CNTN6: variants seen among roughly 807,000 people sequenced by gnomAD.
The protein encoded by CNTN6 is contactin 6.
In CNTN6, 137 loss-of-function variants were observed where a neutral mutation model predicts 122.8. The observed-to-expected ratio is 1.12, with a 90% CI of 0.97 to 1.29. The LOEUF is 1.29. Ranked by LOEUF, CNTN6 falls within the 50% of genes most tolerant of loss-of-function variation. CNTN6 has a pLI of 0.00. For synonymous variants in CNTN6, 570 were observed against 426.0 expected, an observed-to-expected ratio of 1.34 and a Z score of -4.16; for missense variants, 1,634 against 1,223.4, an observed-to-expected ratio of 1.34 and a Z score of -5.01.
In CNTN6 at chr3:1,267,140, G is replaced by A. The variant is rs538185631; in HGVS notation, c.359-11273G>A. ...ACCACCTGCTAAGACTTAAGTACAA[G>A]GTCAGGATGTACTTCCCCCAGTGAC... On this transcript the variant is annotated intron_variant, in intron 4 of 22. Transcript: ENST00000446702. 3.3e-5 allele frequency among the ~76,000 whole-genome samples: 5 copies of A among 151,996 alleles called. No individual in the cohort carries two copies. The South Asian group carries it at 1.0e-3, about 32-fold the overall frequency.
At position 1,297,798 on chromosome 3, in the gene CNTN6, A is replaced by G. The variant is rs184066186; in HGVS notation, c.659-91A>G. ...CTGAAAACCCTAACTCTTATTAAGA[A>G]GAAATAATCAGGTTTTGGTTAATGA... On this transcript the variant is annotated intron_variant, in intron 6 of 22. Coordinates refer to ENST00000446702, the MANE Select transcript of CNTN6 (RefSeq NM_001289080.2). 4.8e-4 allele frequency: 462 copies of G among 961,768 alleles called. 2 individuals are homozygous for G. The African/African-American group carries it at 6.0e-3, about 13-fold the overall frequency. 59.6% of individuals were successfully genotyped at this position (961,768 alleles called of 1,614,324 possible).
chr3:1,117,367 G>A (rs2091766490), intron 1 of CNTN6, among the ~76,000 whole-genome samples: 1 of 152,110 alleles, frequency 6.6e-6, no homozygotes, highest in African/African-American at 2.4e-5. Flanking sequence ...CCTGTTCAGG[G>A]AACTGCAGGT....
chr3:1,354,145 A>C (rs1706145781), intron 12 of CNTN6, among the ~76,000 whole-genome samples: 1 of 151,558 alleles, frequency 6.6e-6, no homozygotes, highest in South Asian at 2.1e-4. Context: ...TAACAAAAAT[A>C]CTAACTGAGA....
At chr3:1,230,989 C>G (rs2094346081) in intron 4 of CNTN6, among the ~76,000 whole-genome samples, 1 of 152,186 alleles carries the variant, frequency 6.6e-6, no homozygotes. Context: ...TGAATACCCA[C>G]AGATATCCCT....
chr3:1,231,026 C>T (rs1218587194), intron 4 of CNTN6, among the ~76,000 whole-genome samples: 1 of 152,180 alleles, frequency 6.6e-6, no homozygotes, highest in Non-Finnish European at 1.5e-5. Flanking sequence ...CCAAACCTCT[C>T]CATGGGATCA....
chr3:1,187,008 T>C (rs912621673), intron 2 of CNTN6, among the ~76,000 whole-genome samples: 1 of 152,024 alleles, frequency 6.6e-6, no homozygotes, highest in Admixed American at 6.6e-5. Context: ...TTAGGAGAAA[T>C]GAGAGCAAAA....
In CNTN6 at chr3:1,300,834, C is replaced by A. The variant is rs527475931; in HGVS notation, c.761+2843C>A. On this transcript the variant is annotated intron_variant, in intron 7 of 22. Transcript: ENST00000446702. Reference sequence around the variant, plus strand: ...CTCTCTCTCTTTCTTTCTCCACACACAAATATATTTAACCAGATACATGGT... The same window carrying A: ...CTCTCTCTCTTTCTTTCTCCACACAAAAATATATTTAACCAGATACATGGT... Among the ~76,000 whole-genome samples, 125 of 151,864 alleles carry A rather than the reference C, an allele frequency of 8.2e-4. 1 individual carries two copies. The highest frequency in any genetic ancestry group is 1.4e-3 in the Non-Finnish European group (98 of 67,950).
At chr3:1,213,042 C>T (rs1444113450) in intron 2 of CNTN6, among the ~76,000 whole-genome samples, 2 of 152,114 alleles carry the variant, frequency 1.3e-5, no homozygotes, top group African/African-American at 4.8e-5. Flanking sequence ...CTTTAAGTTT[C>T]TCATCTATCA....
At chr3:1,309,488 A>G (rs963613558) in intron 7 of CNTN6, among the ~76,000 whole-genome samples, 2 of 152,140 alleles carry the variant, frequency 1.3e-5, no homozygotes, top group African/African-American at 4.8e-5. Flanking sequence ...TGCTCTGTCT[A>G]TTCTTTTGCC....
intron 4 of CNTN6, among the ~76,000 whole-genome samples, chr3:1,275,861 A>G (rs1025063416): frequency 2.0e-5 from 3 of 152,112 alleles, no homozygotes; most frequent in Non-Finnish European, 4.4e-5. Flanking sequence ...AATAAAATGA[A>G]GCTTTGTTCG....
chr3:1,278,552 G>A, intron 5 of CNTN6, 44 bp downstream of exon 5: 1 of 1,342,444 alleles, frequency 7.4e-7, no homozygotes, highest in East Asian at 2.3e-5. Context: ...GCGGTCACTT[G>A]GAGAGTGATG....
Position 1,220,757 on chromosome 3 carries a change from A to G in CNTN6, c.126A>G (p.Ser42=), listed in dbSNP as rs1165460364. The G allele has an allele frequency of 6.2e-7, 1 of 1,613,014 alleles. No individual in the cohort carries two copies. Among genetic ancestry groups the G allele is most frequent in the African/African-American group, 1.3e-5 (1 of 74,872 alleles). The change falls in exon 3 of 23, where the codon TCA becomes TCG. Residue 42 remains serine, a synonymous_variant. Transcript: ENST00000446702. ...ATGTCATTTTTCCTTTGGATTTATC[A>G]AAATCTGAGGTCATCCTGAATTGTG... ...PHDVIFPLDL[S]KSEVILNCAA... is the part of the protein sequence containing the mutation.
intron 1 of CNTN6, among the ~76,000 whole-genome samples, chr3:1,129,364 G>A (rs1268274534): frequency 4.6e-5 from 7 of 152,014 alleles, no homozygotes; most frequent in East Asian, 1.9e-4. Flanking sequence ...ATTCCCAGGC[G>A]ACTTGAGAAA....
chr3:1,192,951 A>C (rs545471723), intron 2 of CNTN6, among the ~76,000 whole-genome samples: 2 of 152,278 alleles, frequency 1.3e-5, no homozygotes, highest in East Asian at 3.9e-4. Flanking sequence ...GGCTAAGTGC[A>C]TAAGAATCCT....
intron 2 of CNTN6, among the ~76,000 whole-genome samples, chr3:1,181,001 T>C (rs2093544160): frequency 6.6e-6 from 1 of 152,148 alleles, no homozygotes; most frequent in African/African-American, 2.4e-5. Flanking sequence ...TGGCCTTGGT[T>C]TCTTACTTTA....
At chr3:1,095,276 T>G (rs1315466488) in intron 1 of CNTN6, among the ~76,000 whole-genome samples, 5 of 151,944 alleles carry the variant, frequency 3.3e-5, no homozygotes, top group Non-Finnish European at 7.4e-5. Context: ...ATTGAGACCA[T>G]CCTGGCCAAC....
intron 2 of CNTN6, among the ~76,000 whole-genome samples, chr3:1,178,025 C>T (rs1038190722): frequency 8.6e-5 from 13 of 151,786 alleles, no homozygotes; most frequent in African/African-American, 3.1e-4. Context: ...CTCAGCCTCC[C>T]TAATAGCTGG....
At chr3:1,151,330 A>G (rs2092837954) in intron 2 of CNTN6, among the ~76,000 whole-genome samples, 1 of 152,182 alleles carries the variant, frequency 6.6e-6, no homozygotes, top group Non-Finnish European at 1.5e-5. Context: ...TCACAGTAGA[A>G]TAAATTTAGT....
At chr3:1,357,659 A>G (rs1160256094) in intron 12 of CNTN6, among the ~76,000 whole-genome samples, 2 of 151,840 alleles carry the variant, frequency 1.3e-5, no homozygotes, top group African/African-American at 2.4e-5. Context: ...GCATGAGACA[A>G]TTTTACATCG....
Sources: allele counts gnomAD v4.1 joint callset (sites outside exome capture counted in the v4.1 genomes callset), GRCh38; gene constraint gnomAD v4.1.1; transcripts MANE v1.5; gene names NCBI Gene and HGNC (gene_info 2026-07-23, HGNC 2026-07-21).